The following ROS1 variants were observed in gnomAD, a reference collection of about 807,000 sequenced individuals.
The protein encoded by ROS1 is proto-oncogene tyrosine-protein kinase ROS.
In ROS1, 263 loss-of-function variants were observed where a neutral mutation model predicts 273.5. The observed-to-expected ratio is 0.96, with a 90% CI of 0.87 to 1.06. The LOEUF is 1.06. ROS1 is among the 50% of genes least tolerant of loss of function. ROS1 has a pLI of 0.00. For synonymous variants in ROS1, 1,008 were observed against 954.1 expected, an observed-to-expected ratio of 1.06 and a Z score of -1.04; for missense variants, 2,833 against 2,751.1, an observed-to-expected ratio of 1.03 and a Z score of -0.67.
chr6:117,300,806 C>T (rs1452516706), intron 43 of ROS1, among the ~76,000 whole-genome samples, 168 bp downstream of exon 43: 1 of 152,128 alleles, frequency 6.6e-6, no homozygotes, highest in Non-Finnish European at 1.5e-5. Context: ...GTGCATAATA[C>T]AAATAATTTT....
At position 117,404,438 on chromosome 6, in the gene ROS1, AAAC is replaced by A. The variant is rs746143632; in HGVS notation, c.317-13_317-11del. The A allele has an allele frequency of 6.2e-6, 10 of 1,612,288 alleles. No homozygotes were observed. In the Admixed American group the frequency reaches 1.3e-4, roughly 22 times the overall value. Reference sequence around the variant, plus strand: ...GGTAGGTCTGCATTTTCTGGGGAAAAAACAAGATTTCACTCACCACGCACTCCT... The same window carrying A: ...GGTAGGTCTGCATTTTCTGGGGAAAAAAGATTTCACTCACCACGCACTCCT... On this transcript the variant is annotated splice_polypyrimidine_tract_variant and intron_variant, in intron 5 of 43. Coordinates refer to ENST00000368507, the MANE Select transcript of ROS1 (RefSeq NM_001378902.1).
Position 117,420,595 on chromosome 6 carries a change from A to AAATAATAAT in ROS1, c.124-2098_124-2090dup, listed in dbSNP as rs200795847. ...TAAAGTATAATAATAATAAAATTTT[A>AAATAATAAT]AATAATAATAATAATAATAATAATA... On this transcript the variant is annotated intron_variant, in intron 1 of 43. Transcript: ENST00000368507. Among the ~76,000 whole-genome samples the AAATAATAAT allele has an allele frequency of 6.0e-5, 9 of 148,874 alleles. No individual in the cohort carries two copies. The South Asian group carries it at 1.9e-3, about 31-fold the overall frequency.
At chr6:117,312,566 A>G (rs1775621281) in intron 39 of ROS1, among the ~76,000 whole-genome samples, 1 of 151,694 alleles carries the variant, frequency 6.6e-6, no homozygotes, top group Admixed American at 6.6e-5. Flanking sequence ...GACAAAACCT[A>G]CTCTACCTGT....
chr6:117,406,701 C>T (rs551364434), intron 5 of ROS1, among the ~76,000 whole-genome samples: 8 of 152,074 alleles, frequency 5.3e-5, no homozygotes, highest in South Asian at 4.1e-4. Context: ...TCTAACAGTT[C>T]GACTTTTTAA....
intron 14 of ROS1, among the ~76,000 whole-genome samples, chr6:117,387,280 AT>A (rs1310325814): frequency 2.0e-5 from 3 of 152,032 alleles, no homozygotes; most frequent in East Asian, 1.9e-4. Flanking sequence ...TCATTGCAGA[AT>A]TTTTTTTGAG....
chr6:117,405,992 A>G (rs1774368009), intron 5 of ROS1, among the ~76,000 whole-genome samples: 1 of 152,150 alleles, frequency 6.6e-6, no homozygotes, highest in African/African-American at 2.4e-5. Flanking sequence ...GCCTAATAAA[A>G]AATAGCTATT....
chr6:117,374,556 A>G (rs937029584), intron 18 of ROS1, among the ~76,000 whole-genome samples: 1 of 152,242 alleles, frequency 6.6e-6, no homozygotes, highest in Non-Finnish European at 1.5e-5. Context: ...CCTTCTAGAC[A>G]TTGGCTTAGG....
chr6:117,380,012 A>G (rs2128686673), intron 17 of ROS1, among the ~76,000 whole-genome samples: 1 of 152,260 alleles, frequency 6.6e-6, no homozygotes, highest in East Asian at 1.9e-4. Context: ...TCCATGAGAT[A>G]TGGCATAGAA....
Position 117,357,789 on chromosome 6 carries a change from C to G in ROS1, c.3839+15G>C. 6.6e-7 allele frequency: 1 copy of G among 1,505,994 alleles called. No individual in the cohort carries two copies. The highest frequency in any genetic ancestry group is 9.2e-7 in the Non-Finnish European group (1 of 1,089,070). The allele number at this position is 1,505,994 out of a possible 1,614,324, so 93.3% of individuals were successfully genotyped here. ...TATTTCATCACAATATAAAAAAATA[C>G]TTGCATTTACATACCTTAAAAGAGG... On this transcript the variant is annotated intron_variant, in intron 25 of 43. Coordinates refer to ENST00000368507, the MANE Select transcript of ROS1 (RefSeq NM_001378902.1).
chr6:117,318,839 C>T (rs9400997), intron 37 of ROS1, among the ~76,000 whole-genome samples: 56,054 of 151,960 alleles, frequency 0.37, 10,602 homozygotes, highest in Middle Eastern at 0.43. Flanking sequence ...GTGATGCTTG[C>T]TTCTTTGTCA....
rs778854057 is a variant in ROS1, at chr6:117,416,310, T to G, written c.176A>C (p.Gln59Pro). 1.9e-6 allele frequency: 3 copies of G among 1,600,764 alleles called. No individual in the cohort carries two copies. The highest frequency in any genetic ancestry group is 2.6e-6 in the Non-Finnish European group (3 of 1,167,956). Reference sequence around the variant, plus strand: ...TACAGAGTTCCAAAAGTGACATCCTTGGATACACTGCAAGAGACAATAACA... The same window carrying G: ...TACAGAGTTCCAAAAGTGACATCCTGGGATACACTGCAAGAGACAATAACA... ...TPHNLSEPCI[Q>P]GCHFWNSVDQ... Residue 59 changes from glutamine (Q) to proline (P), a missense_variant, in exon 3 of 44, where the codon CAA (glutamine) becomes CCA (proline). Gln to Pro is a moderately conservative substitution (Grantham distance 76, BLOSUM62 -1). Transcript: ENST00000368507.
intron 39 of ROS1, 99 bp from the exon 40 acceptor site, chr6:117,311,216 C>T (rs1775521796): frequency 1.8e-6 from 1 of 564,002 alleles, no homozygotes; most frequent in Admixed American, 3.4e-5. Context: ...TATGCATATG[C>T]ATGTATGTAT....
intron 31 of ROS1, 44 bp downstream of exon 31, chr6:117,341,091 A>T: frequency 7.5e-7 from 1 of 1,340,472 alleles, no homozygotes; most frequent in Non-Finnish European, 1.0e-6. Context: ...GCCCTTTCCA[A>T]TTTATTCTAT....
intron 20 of ROS1, 118 bp downstream of exon 20, chr6:117,365,463 G>A (rs1427905907): frequency 5.5e-6 from 5 of 903,506 alleles, no homozygotes; most frequent in Non-Finnish European, 8.8e-6. Context: ...AAATGCTATG[G>A]GAATGACAAA....
Position 117,385,737 on chromosome 6 carries a change from A to G in ROS1, c.2235T>C (p.Ala745=), listed in dbSNP as rs1180404774. 1.9e-6 allele frequency: 3 copies of G among 1,614,072 alleles called. No individual in the cohort carries two copies. The highest frequency in any genetic ancestry group is 2.5e-6 in the Non-Finnish European group (3 of 1,180,044). The change falls in exon 16 of 44, where the codon GCT becomes GCC. Residue 745 remains alanine (A), a synonymous_variant. Coordinates refer to ENST00000368507, the MANE Select transcript of ROS1 (RefSeq NM_001378902.1). The part of the protein sequence containing the change: ...YHLPSIAGAG[A]LAFEWLGHFL... Reference sequence around the variant, plus strand: ...AGTGACCCAGCCACTCAAAAGCTAAAGCCCCTGCTCCTGCAATGCTGGGTA... The same window carrying G: ...AGTGACCCAGCCACTCAAAAGCTAAGGCCCCTGCTCCTGCAATGCTGGGTA...
chr6:117,346,171 G>A (rs1244049246), intron 27 of ROS1, among the ~76,000 whole-genome samples: 2 of 151,960 alleles, frequency 1.3e-5, no homozygotes, highest in East Asian at 1.9e-4. Context: ...TAATTTTGTC[G>A]TTCTTTTATT....
chr6:117,391,764 T>C (rs1193673668), intron 12 of ROS1, among the ~76,000 whole-genome samples: 1 of 152,160 alleles, frequency 6.6e-6, no homozygotes, highest in African/African-American at 2.4e-5. Context: ...CTGGTTCCAC[T>C]GGTTCCATCG....
intron 3 of ROS1, among the ~76,000 whole-genome samples, chr6:117,414,757 T>C (rs932835128): frequency 6.6e-6 from 1 of 152,132 alleles, no homozygotes; most frequent in African/African-American, 2.4e-5. Flanking sequence ...TTTGCATCAC[T>C]GGAAAAATGG....
chr6:117,405,874 C>T (rs1445216083), intron 5 of ROS1, among the ~76,000 whole-genome samples: 3 of 152,248 alleles, frequency 2.0e-5, no homozygotes, highest in Non-Finnish European at 4.4e-5. Flanking sequence ...AAACTTTGTG[C>T]CTCAATTTTC....
Sources: allele counts gnomAD v4.1 joint callset (sites outside exome capture counted in the v4.1 genomes callset), GRCh38; gene constraint gnomAD v4.1.1; transcripts MANE v1.5; gene names NCBI Gene and HGNC (gene_info 2026-07-23, HGNC 2026-07-21).